Variants in WDPCP observed in about 807,000 individuals in gnomAD.
WDPCP encodes WD repeat containing planar cell polarity effector.
WDPCP carries 71 observed loss-of-function variants against 93.1 expected under a neutral mutation model. The observed-to-expected ratio is 0.76, with a 90% CI of 0.63 to 0.93. WDPCP has a LOEUF of 0.93. WDPCP is among the 40% of genes least tolerant of loss of function. WDPCP has a pLI of 0.00. For synonymous variants in WDPCP, 315 were observed against 315.0 expected, an observed-to-expected ratio of 1.00 and a Z score of 0.00; for missense variants, 844 against 887.4, an observed-to-expected ratio of 0.95 and a Z score of 0.62.
At chr2:63,259,478 G>T in intron 13 of WDPCP, 69 bp from the exon 14 acceptor site, 1 of 1,193,812 alleles carries the variant, frequency 8.4e-7, no homozygotes, top group Non-Finnish European at 1.2e-6. Flanking sequence ...GGAGGATTTT[G>T]AAGGAAACTT....
At chr2:63,569,384 G>A (rs563320318) in intron 1 of WDPCP, among the ~76,000 whole-genome samples, 2 of 152,306 alleles carry the variant, frequency 1.3e-5, no homozygotes, top group East Asian at 3.9e-4. Context: ...TCTTAAGCTG[G>A]AGAGCAGATA....
intron 1 of WDPCP, among the ~76,000 whole-genome samples, chr2:63,579,797 G>A (rs1708376793): frequency 6.6e-6 from 1 of 151,920 alleles, no homozygotes. Flanking sequence ...AGACAAGATA[G>A]ATAATGCTAG....
intron 12 of WDPCP, among the ~76,000 whole-genome samples, chr2:63,314,878 G>C (rs1686514233): frequency 6.6e-6 from 1 of 152,106 alleles, no homozygotes; most frequent in South Asian, 2.1e-4. Flanking sequence ...GGCAATCATA[G>C]AGGGCAAACT....
At chr2:63,434,047 G>T (rs1025967892) in intron 8 of WDPCP, 111 bp from the exon 9 acceptor site, 3 of 1,106,558 alleles carry the variant, frequency 2.7e-6, no homozygotes, top group Non-Finnish European at 4.0e-6. Flanking sequence ...AAGTAAATAT[G>T]CATGTTAAAC....
intron 3 of WDPCP, among the ~76,000 whole-genome samples, chr2:63,623,169 C>A (rs1190896112): frequency 6.6e-6 from 1 of 152,182 alleles, no homozygotes; most frequent in Non-Finnish European, 1.5e-5. Flanking sequence ...GCCTGCCTTA[C>A]AAGAGCTCCT....
At chr2:63,778,782 C>T (rs1670344042) in intron 2 of WDPCP, among the ~76,000 whole-genome samples, 1 of 152,178 alleles carries the variant, frequency 6.6e-6, no homozygotes, top group African/African-American at 2.4e-5. Flanking sequence ...TTTAGTCTCA[C>T]TGTTGGTTCT....
chr2:63,528,241 T>G (rs545192112), intron 1 of WDPCP, among the ~76,000 whole-genome samples: 1 of 152,254 alleles, frequency 6.6e-6, no homozygotes, highest in Admixed American at 6.5e-5. Context: ...TTTGTCAATT[T>G]TGGCTTTTGT....
intron 15 of WDPCP, among the ~76,000 whole-genome samples, chr2:63,170,094 A>G (rs1673276025): frequency 6.7e-6 from 1 of 149,654 alleles, no homozygotes; most frequent in African/African-American, 2.5e-5. Flanking sequence ...AGGTCTCGCT[A>G]TGTTGCCCAG....
the WDPCP span, among the ~76,000 whole-genome samples, chr2:63,834,252 T>C: frequency 6.6e-6 from 1 of 152,216 alleles, no homozygotes. Flanking sequence ...CAGTCTTCAA[T>C]AAATTTCTAT....
intron 6 of WDPCP, among the ~76,000 whole-genome samples, chr2:63,472,536 G>T (rs1699754535): frequency 6.6e-6 from 1 of 151,828 alleles, no homozygotes; most frequent in Admixed American, 6.6e-5. Context: ...TATTTACGCT[G>T]TCATGTTCTT....
intron 2 of WDPCP, among the ~76,000 whole-genome samples, chr2:63,714,543 G>A (rs1321741875): frequency 1.3e-5 from 2 of 152,112 alleles, no homozygotes; most frequent in Non-Finnish European, 2.9e-5. Flanking sequence ...AGCAATTCCA[G>A]TCATAAGAAC....
chr2:63,524,027 G>C (rs1378026739), intron 1 of WDPCP, among the ~76,000 whole-genome samples: 1 of 152,028 alleles, frequency 6.6e-6, no homozygotes, highest in Non-Finnish European at 1.5e-5. Flanking sequence ...GACACAAAAA[G>C]AATAAAATAC....
Position 63,475,149 on chromosome 2 carries a change from C to T in WDPCP, c.384+9455G>A, listed in dbSNP as rs540394767. On this transcript the variant is annotated intron_variant, in intron 6 of 17. Coordinates refer to ENST00000272321, the MANE Select transcript of WDPCP (RefSeq NM_015910.7). ...TGTTTATCATAATAGTGAAACTAGCCCAACCCTGCAACAAAACAGTTGTAG... is the reference window on the plus strand; with the variant it reads ...TGTTTATCATAATAGTGAAACTAGCTCAACCCTGCAACAAAACAGTTGTAG... 7.9e-5 allele frequency among the ~76,000 whole-genome samples: 12 copies of T among 152,094 alleles called. No individual in the cohort carries two copies. In the South Asian group the frequency reaches 2.3e-3, roughly 29 times the overall value.
At chr2:63,324,313 C>A (rs1036771039) in intron 12 of WDPCP, among the ~76,000 whole-genome samples, 1 of 152,030 alleles carries the variant, frequency 6.6e-6, no homozygotes, top group Admixed American at 6.6e-5. Context: ...CCCTATGGCT[C>A]CCCCTCCTAT....
intron 3 of WDPCP, chr2:63,622,873 G>C (rs1709762235): frequency 1.3e-6 from 2 of 1,538,450 alleles, no homozygotes; most frequent in Admixed American, 3.5e-5. Context: ...CAGCATCAGG[G>C]GTGCGGAGCC....
At chr2:63,525,724 G>A (rs570386587) in intron 1 of WDPCP, among the ~76,000 whole-genome samples, 59 of 152,260 alleles carry the variant, frequency 3.9e-4, no homozygotes, top group Admixed American at 7.2e-4. Flanking sequence ...GCTGACTGCC[G>A]TTATGTTAGT....
intron 2 of WDPCP, among the ~76,000 whole-genome samples, chr2:63,808,754 T>C (rs911163136): frequency 6.6e-5 from 10 of 152,272 alleles, no homozygotes; most frequent in Admixed American, 2.0e-4. Context: ...AGCCTCTGCC[T>C]GGCCGCCACC....
chr2:63,688,973 CTT>C (rs1329947820), intron 2 of WDPCP, among the ~76,000 whole-genome samples: 2 of 152,122 alleles, frequency 1.3e-5, no homozygotes. Flanking sequence ...CCCTCTCTCT[CTT>C]GCCCTCTTTG....
chr2:63,711,835 A>T, intron 2 of WDPCP, among the ~76,000 whole-genome samples: 1 of 152,312 alleles, frequency 6.6e-6, no homozygotes, highest in South Asian at 2.1e-4. Context: ...TGGTAAATTG[A>T]TAGTACTTTC....
Sources: gnomAD v4.1 joint callset for allele counts (sites outside exome capture counted in the v4.1 genomes callset) on GRCh38, gnomAD v4.1.1 for gene constraint, MANE v1.5 for transcripts, NCBI Gene and HGNC (gene_info 2026-07-23, HGNC 2026-07-21) for gene names.